The following SEMA3A variants were observed in gnomAD, a reference collection of about 807,000 sequenced individuals.
SEMA3A encodes the protein semaphorin 3A.
In SEMA3A, 29 loss-of-function variants were observed where a neutral mutation model predicts 97.9. The ratio of observed to expected loss-of-function variants is 0.30; its 90% CI spans 0.22 to 0.40. The LOEUF is 0.40. Ranked by LOEUF, SEMA3A falls within the 10% of genes least tolerant of loss-of-function variation. SEMA3A has a pLI of 1.00. For missense variants in SEMA3A, 763 were observed against 951.3 expected, an observed-to-expected ratio of 0.80 and a Z score of 2.60; for synonymous variants, 321 against 323.7, an observed-to-expected ratio of 0.99 and a Z score of 0.09.
intron 3 of SEMA3A, among the ~76,000 whole-genome samples, chr7:84,286,002 GA>G (rs1366933991): frequency 1.4e-5 from 2 of 144,258 alleles, no homozygotes; most frequent in Non-Finnish European, 3.0e-5. Context: ...GAAGAAGAAA[GA>G]AATAAGAGAT....
chr7:84,087,487 A>C (rs539296096), intron 4 of SEMA3A, among the ~76,000 whole-genome samples: 3 of 152,302 alleles, frequency 2.0e-5, no homozygotes, highest in East Asian at 3.9e-4. Context: ...TGGTGCTTAC[A>C]GTATTGTAGG....
intron 1 of SEMA3A, among the ~76,000 whole-genome samples, chr7:84,429,516 T>TTTTATACATA (rs1554385260): frequency 1.4e-5 from 1 of 72,420 alleles, no homozygotes. Context: ...ATAGAGTTTG[T>TTTTATACATA]TATATATATA....
chr7:84,160,887 T>A (rs1265307659), intron 1 of SEMA3A, among the ~76,000 whole-genome samples: 2 of 149,874 alleles, frequency 1.3e-5, no homozygotes, highest in Admixed American at 6.6e-5. Context: ...TCTCAAAAAA[T>A]AAATAAATAA....
At chr7:84,465,378 A>G (rs189884555) in intron 1 of SEMA3A, among the ~76,000 whole-genome samples, 47 of 152,264 alleles carry the variant, frequency 3.1e-4, no homozygotes, top group African/African-American at 9.6e-4. Flanking sequence ...AGGCTAAAGA[A>G]CATTGAAAAC....
intron 6 of SEMA3A, among the ~76,000 whole-genome samples, chr7:84,034,305 C>G (rs1321932032): frequency 1.3e-5 from 2 of 152,102 alleles, no homozygotes; most frequent in Non-Finnish European, 2.9e-5. Flanking sequence ...TTTATCTTAT[C>G]TTGGAACAGT....
At chr7:84,315,662 C>T (rs1801477470) in intron 2 of SEMA3A, among the ~76,000 whole-genome samples, 1 of 151,900 alleles carries the variant, frequency 6.6e-6, no homozygotes, top group Non-Finnish European at 1.5e-5. Flanking sequence ...CTAAATCTAG[C>T]AAATGTTTCA....
chr7:84,174,868 T>C (rs1447729156), intron 1 of SEMA3A, among the ~76,000 whole-genome samples: 1 of 152,194 alleles, frequency 6.6e-6, no homozygotes, highest in Non-Finnish European at 1.5e-5. Context: ...GAAAAAAAAT[T>C]CTTGTTAAAT....
At chr7:84,126,180 T>C (rs1795786321) in intron 3 of SEMA3A, among the ~76,000 whole-genome samples, 1 of 152,160 alleles carries the variant, frequency 6.6e-6, no homozygotes, top group African/African-American at 2.4e-5. Context: ...CCTTTGAGCC[T>C]TACAGGAATT....
intron 1 of SEMA3A, among the ~76,000 whole-genome samples, chr7:84,409,521 G>C (rs1249669135): frequency 6.6e-6 from 1 of 151,878 alleles, no homozygotes; most frequent in African/African-American, 2.4e-5. Flanking sequence ...AGACATGAGG[G>C]GGAAAGAAAT....
At chr7:84,019,366 T>A (rs1256998029) in intron 6 of SEMA3A, among the ~76,000 whole-genome samples, 2 of 149,934 alleles carry the variant, frequency 1.3e-5, no homozygotes, top group African/African-American at 4.9e-5. Flanking sequence ...GTGGAGTGAT[T>A]AGGAGTGTAC....
chr7:84,424,716 T>C (rs1420249233), intron 1 of SEMA3A, among the ~76,000 whole-genome samples: 1 of 99,066 alleles, frequency 1.0e-5, no homozygotes, highest in Non-Finnish European at 1.7e-5. Flanking sequence ...ATATAATATA[T>C]AAATTATTTA....
chr7:84,199,865 G>T (rs1798313100), upstream of SEMA3A, among the ~76,000 whole-genome samples: 1 of 152,134 alleles, frequency 6.6e-6, no homozygotes, highest in Non-Finnish European at 1.5e-5. Context: ...AACTACTGTA[G>T]TTGTTGCTGG....
intron 6 of SEMA3A, among the ~76,000 whole-genome samples, chr7:84,020,051 T>TTTTTTTTTTTTTTTTTTTTTTTTTTTC (rs1791268615): frequency 7.9e-6 from 1 of 126,368 alleles, no homozygotes; most frequent in Admixed American, 8.0e-5. Context: ...TTTTTTTTTT[T>TTTTTTTTTTTTTTTTTTTTTTTTTTTC]TTTTTTTTTT....
intron 1 of SEMA3A, among the ~76,000 whole-genome samples, chr7:84,377,829 T>C (rs1362553286): frequency 2.0e-5 from 3 of 152,160 alleles, no homozygotes; most frequent in African/African-American, 4.8e-5. Context: ...GGAAAACCAA[T>C]TGAACTTCAG....
chr7:84,234,312 C>T (rs1005277348), intron 3 of SEMA3A, among the ~76,000 whole-genome samples: 10 of 152,196 alleles, frequency 6.6e-5, no homozygotes, highest in Admixed American at 1.3e-4. Context: ...GCTATTTACC[C>T]TAAAACCCTT....
At chr7:84,033,481 C>T (rs79852384) in intron 6 of SEMA3A, among the ~76,000 whole-genome samples, 2 of 152,060 alleles carry the variant, frequency 1.3e-5, no homozygotes, top group African/African-American at 2.4e-5. Context: ...ATCTTCCCAG[C>T]TTAAATGGAA....
chr7:84,157,012 T>G (rs914584285), intron 1 of SEMA3A, among the ~76,000 whole-genome samples: 1 of 152,198 alleles, frequency 6.6e-6, no homozygotes, highest in African/African-American at 2.4e-5. Flanking sequence ...TTTAAATTCC[T>G]GAAAAATTGG....
At chr7:84,407,678 A>T (rs1804136280) in intron 1 of SEMA3A, among the ~76,000 whole-genome samples, 1 of 152,082 alleles carries the variant, frequency 6.6e-6, no homozygotes, top group South Asian at 2.1e-4. Context: ...ACAGCATGGT[A>T]CTGGTACCAA....
intron 2 of SEMA3A, among the ~76,000 whole-genome samples, chr7:84,307,647 T>C (rs1314622036): frequency 6.6e-6 from 1 of 152,190 alleles, no homozygotes; most frequent in Non-Finnish European, 1.5e-5. Context: ...CATAATACTA[T>C]GATGTCATTA....
Sources: gnomAD v4.1 joint callset for allele counts (sites outside exome capture counted in the v4.1 genomes callset) on GRCh38, gnomAD v4.1.1 for gene constraint, MANE v1.5 for transcripts, NCBI Gene and HGNC (gene_info 2026-07-23, HGNC 2026-07-21) for gene names.